Variants in PTPRM observed in about 807,000 individuals in gnomAD.
The protein encoded by PTPRM is receptor-type tyrosine-protein phosphatase mu.
A neutral mutation model predicts 186.7 loss-of-function variants in PTPRM; 47 were observed. The observed-to-expected ratio is 0.25, with a 90% confidence interval of 0.20 to 0.32. The LOEUF is 0.32. Among genes scored for constraint, PTPRM ranks in the 10% least tolerant of loss-of-function variants. The probability of loss-of-function intolerance (pLI) is 1.00; values close to 1 mark genes in which losing one functional copy is unlikely to be tolerated. For synonymous variants in PTPRM, 668 were observed against 674.9 expected (o/e 0.99, Z 0.16); for missense variants, 1,494 against 1,865.0 (o/e 0.80, Z 3.66).
Position 7,813,223 on chromosome 18 carries a change from G to A in PTPRM, c.196+38952G>A, listed in dbSNP as rs550070064. Reference sequence around the variant, plus strand: ...TGGCAGAGGGAAAGAAAATGTGAATGTAAGGGTACAGTAGATGTACATTAG... The same window carrying A: ...TGGCAGAGGGAAAGAAAATGTGAATATAAGGGTACAGTAGATGTACATTAG... On this transcript the variant is annotated intron_variant, in intron 2 of 32. Transcript: ENST00000580170. Among the ~76,000 whole-genome samples, 5 of 152,352 alleles carry A rather than the reference G, an allele frequency of 3.3e-5. No homozygotes were observed. In the South Asian group the frequency reaches 8.3e-4, roughly 25 times the overall value.
At chr18:7,915,276 A>G (rs1315116320) in intron 4 of PTPRM, among the ~76,000 whole-genome samples, 1 of 152,172 alleles carries the variant, frequency 6.6e-6, no homozygotes, top group Non-Finnish European at 1.5e-5. Context: ...TAAATCTCCT[A>G]CAGGTTTTAG....
At chr18:7,907,051 G>A (rs2050020476) in intron 4 of PTPRM, among the ~76,000 whole-genome samples, 1 of 152,124 alleles carries the variant, frequency 6.6e-6, no homozygotes, top group South Asian at 2.1e-4. Flanking sequence ...ACCACCTGGG[G>A]ACCCCAGAAA....
At chr18:8,148,859 C>T (rs936927747) in intron 14 of PTPRM, among the ~76,000 whole-genome samples, 2 of 152,118 alleles carry the variant, frequency 1.3e-5, no homozygotes, top group African/African-American at 2.4e-5. Context: ...TGTCTTCATT[C>T]TCATTGGTTT....
rs930219495 is a variant in PTPRM, at chr18:7,568,603, C to T, written c.73+712C>T. Among the ~76,000 whole-genome samples, 1 of 152,206 alleles carries T rather than the reference C, an allele frequency of 6.6e-6. No homozygotes were observed. The highest frequency in any genetic ancestry group is 2.4e-5 in the African/African-American group (1 of 41,466). On this transcript the variant is annotated intron_variant, in intron 1 of 32. Coordinates refer to ENST00000580170, the MANE Select transcript of PTPRM (RefSeq NM_001105244.2). The surrounding 1 kb of genome is among the most constrained non-coding windows in gnomAD (Gnocchi z 5.1). ...CCGCTGGGCTCCCCCTCCCCACCCT[C>T]GTCCCCCTAGCGGAGCGCCGCGGCC...
intron 7 of PTPRM, among the ~76,000 whole-genome samples, chr18:7,956,474 C>A (rs2053317386): frequency 6.6e-6 from 1 of 152,118 alleles, no homozygotes; most frequent in Non-Finnish European, 1.5e-5. Flanking sequence ...GAAAAGGGAA[C>A]AGGTACTTTT....
intron 22 of PTPRM, among the ~76,000 whole-genome samples, chr18:8,330,977 C>T (rs967570785): frequency 6.6e-6 from 1 of 152,182 alleles, no homozygotes; most frequent in Non-Finnish European, 1.5e-5. Context: ...CCACACACTA[C>T]CTACCCCCAT....
chr18:8,403,564 A>G (rs1426507453), intron 32 of PTPRM: 1 of 152,122 alleles, frequency 6.6e-6, no homozygotes, highest in East Asian at 1.9e-4. Flanking sequence ...AAACAAGCAC[A>G]TGTACCCCAA....
intron 2 of PTPRM, among the ~76,000 whole-genome samples, chr18:7,811,420 CAAT>C (rs2145484827): frequency 6.6e-6 from 1 of 152,334 alleles, no homozygotes; most frequent in Admixed American, 6.5e-5. Flanking sequence ...CTCAGTGGTG[CAAT>C]CATAGCTCAC....
At chr18:8,063,214 C>T (rs1161700992) in intron 7 of PTPRM, among the ~76,000 whole-genome samples, 2 of 151,140 alleles carry the variant, frequency 1.3e-5, no homozygotes, top group Non-Finnish European at 1.5e-5. Context: ...GGGAGTGACC[C>T]GATTTTCCAG....
At chr18:7,796,435 G>C (rs2043651631) in intron 2 of PTPRM, among the ~76,000 whole-genome samples, 1 of 152,216 alleles carries the variant, frequency 6.6e-6, no homozygotes, top group African/African-American at 2.4e-5. Flanking sequence ...GTGTGGGCAG[G>C]AGGGCATGGG....
At chr18:7,575,005 C>A (rs909781740) in intron 1 of PTPRM, among the ~76,000 whole-genome samples, 2 of 152,170 alleles carry the variant, frequency 1.3e-5, no homozygotes. Flanking sequence ...GCACTCCAGT[C>A]TGGGCGACAG....
intron 23 of PTPRM, among the ~76,000 whole-genome samples, chr18:8,367,297 G>A (rs1411470660): frequency 6.6e-6 from 1 of 152,204 alleles, no homozygotes; most frequent in African/African-American, 2.4e-5. Context: ...TGCCTGGGCC[G>A]CCTGTTCTGG....
chr18:7,724,682 C>CGCT (rs1452981750), intron 1 of PTPRM, among the ~76,000 whole-genome samples: 1 of 152,150 alleles, frequency 6.6e-6, no homozygotes, highest in Non-Finnish European at 1.5e-5. Context: ...CACTGGAATA[C>CGCT]ATTTAGCAGG....
At chr18:8,147,152 G>T (rs1371098585) in intron 14 of PTPRM, among the ~76,000 whole-genome samples, 1 of 152,136 alleles carries the variant, frequency 6.6e-6, no homozygotes. Context: ...GGTTCCATAT[G>T]AAGTTAAAGT....
At chr18:8,166,206 C>G (rs996041677) in intron 14 of PTPRM, among the ~76,000 whole-genome samples, 4 of 152,316 alleles carry the variant, frequency 2.6e-5, no homozygotes, top group Admixed American at 6.5e-5. Flanking sequence ...CCTCCCAGCT[C>G]TGAGAAGTGG....
At chr18:8,249,091 G>A (rs996702585) in intron 17 of PTPRM, among the ~76,000 whole-genome samples, 11 of 152,106 alleles carry the variant, frequency 7.2e-5, no homozygotes, top group Non-Finnish European at 7.4e-5. Context: ...CAACAAAAAC[G>A]ACTTCAAGGT....
chr18:7,966,675 G>T (rs556320720), intron 7 of PTPRM, among the ~76,000 whole-genome samples: 3 of 147,982 alleles, frequency 2.0e-5, no homozygotes, highest in Admixed American at 6.8e-5. Flanking sequence ...TTCCCTTTCC[G>T]AGTCAAAGAA....
intron 14 of PTPRM, among the ~76,000 whole-genome samples, chr18:8,234,990 A>G (rs2094327789): frequency 6.6e-6 from 1 of 151,972 alleles, no homozygotes; most frequent in African/African-American, 2.4e-5. Flanking sequence ...AATTTGCTAT[A>G]CTCTGTTGAA....
At position 8,119,852 on chromosome 18, in the gene PTPRM, G is replaced by A. The variant is rs769609767; in HGVS notation, c.2167+5025G>A. 4.6e-5 allele frequency among the ~76,000 whole-genome samples: 7 copies of A among 152,150 alleles called. No homozygotes were observed. In the South Asian group the frequency reaches 1.2e-3, roughly 27 times the overall value. On this transcript the variant is annotated intron_variant, in intron 13 of 32. Transcript: ENST00000580170. ...ATCAGCACCAGATATTGTCTTCAAA[G>A]TGTAGGATTGGAATTTCTGTCTTTA...
Sources: allele counts gnomAD v4.1 joint callset (sites outside exome capture counted in the v4.1 genomes callset), GRCh38; gene constraint gnomAD v4.1.1; non-coding constraint Gnocchi (gnomAD v3.1); transcripts MANE v1.5; gene names NCBI Gene and HGNC (gene_info 2026-07-23, HGNC 2026-07-21).